The following SHISA9 variants were observed in gnomAD, a reference collection of about 807,000 sequenced individuals.
SHISA9 encodes the protein protein shisa-9.
A neutral mutation model predicts 38.0 loss-of-function variants in SHISA9; 13 were observed. That is an observed-to-expected ratio of 0.34 (90% confidence interval 0.22 to 0.54). The LOEUF (loss-of-function observed/expected upper bound fraction) is 0.54, where lower values mean the gene tolerates loss of function less well. SHISA9 is among the 20% of genes least tolerant of loss of function. SHISA9 has a pLI of 0.91. For synonymous variants in SHISA9, 275 were observed against 242.0 expected, an observed-to-expected ratio of 1.14 and a Z score of -1.27; for missense variants, 538 against 575.8, an observed-to-expected ratio of 0.93 and a Z score of 0.67.
intron 2 of SHISA9, among the ~76,000 whole-genome samples, chr16:13,150,306 G>A (rs554668924): frequency 6.6e-6 from 1 of 152,150 alleles, no homozygotes; most frequent in East Asian, 1.9e-4. Flanking sequence ...CCTTTCAAGA[G>A]GAAGCTCAAA....
the SHISA9 span, among the ~76,000 whole-genome samples, chr16:13,536,843 A>C: frequency 6.6e-6 from 1 of 152,198 alleles, no homozygotes; most frequent in Non-Finnish European, 1.5e-5. Context: ...GGGGTCGTTG[A>C]GAAGTTATTA....
the SHISA9 span, among the ~76,000 whole-genome samples, chr16:13,433,322 T>A: frequency 2.6e-5 from 4 of 152,178 alleles, no homozygotes. Flanking sequence ...CAGTTGCTCG[T>A]CTGTAAATCT....
the SHISA9 span, among the ~76,000 whole-genome samples, chr16:13,409,961 T>G: frequency 6.6e-6 from 1 of 152,230 alleles, no homozygotes; most frequent in Non-Finnish European, 1.5e-5. Context: ...GATGAATACA[T>G]AATGTAAGTA....
Position 13,212,197 on chromosome 16 carries a change from C to G in SHISA9, c.848-1056C>G, listed in dbSNP as rs1596736598. Among the ~76,000 whole-genome samples, 3 of 152,220 alleles carry G rather than the reference C, an allele frequency of 2.0e-5. No individual in the cohort carries two copies. The East Asian group carries it at 5.8e-4, about 29-fold the overall frequency. On this transcript the variant is annotated intron_variant, in intron 3 of 4. Coordinates refer to ENST00000558583, the MANE Select transcript of SHISA9 (RefSeq NM_001145204.3). Reference sequence around the variant, plus strand: ...GCCTGATATATCTCTGGAAATAGTGCCAAACTGTTGAGGACTTGGTCTTTC... The same window carrying G: ...GCCTGATATATCTCTGGAAATAGTGGCAAACTGTTGAGGACTTGGTCTTTC...
the SHISA9 span, among the ~76,000 whole-genome samples, chr16:13,549,396 C>A: frequency 6.6e-6 from 1 of 152,028 alleles, no homozygotes. Context: ...ACAATGAATA[C>A]GGGTATTGAA....
At chr16:13,154,621 G>A (rs1006372860) in intron 2 of SHISA9, among the ~76,000 whole-genome samples, 1 of 152,216 alleles carries the variant, frequency 6.6e-6, no homozygotes, top group African/African-American at 2.4e-5. Flanking sequence ...TTAAGCTACT[G>A]AGATTTTGAG....
chr16:13,529,754 C>T, the SHISA9 span, among the ~76,000 whole-genome samples: 2 of 152,184 alleles, frequency 1.3e-5, no homozygotes, highest in Non-Finnish European at 1.5e-5. Flanking sequence ...GTTTGCCCAC[C>T]CATATCCACT....
At chr16:13,072,211 C>T (rs527685307) in intron 2 of SHISA9, among the ~76,000 whole-genome samples, 148 of 152,336 alleles carry the variant, frequency 9.7e-4, no homozygotes, top group Middle Eastern at 6.8e-3. Context: ...GGTTGAGAAG[C>T]GGTGGCTGGA....
chr16:13,496,905 A>G, the SHISA9 span, among the ~76,000 whole-genome samples: 1 of 152,306 alleles, frequency 6.6e-6, no homozygotes, highest in East Asian at 1.9e-4. Context: ...ATTTTCCTAA[A>G]TAGGAAAATT....
At chr16:13,164,536 G>C (rs949455496) in intron 2 of SHISA9, among the ~76,000 whole-genome samples, 1 of 151,902 alleles carries the variant, frequency 6.6e-6, no homozygotes, top group South Asian at 2.1e-4. Context: ...TTTTGGAAAA[G>C]GTTTTGTAAA....
At chr16:13,179,281 C>A (rs550240510) in intron 2 of SHISA9, among the ~76,000 whole-genome samples, 6 of 152,168 alleles carry the variant, frequency 3.9e-5, no homozygotes, top group Non-Finnish European at 8.8e-5. Flanking sequence ...CACTGCACCC[C>A]AGCCCAGGTG....
chr16:13,498,996 C>T, the SHISA9 span, among the ~76,000 whole-genome samples: 1 of 152,114 alleles, frequency 6.6e-6, no homozygotes, highest in African/African-American at 2.4e-5. Flanking sequence ...GTCTGTTCTC[C>T]AGACATAAGG....
intron 2 of SHISA9, among the ~76,000 whole-genome samples, chr16:13,051,365 T>G (rs1253725575): frequency 1.3e-5 from 2 of 152,206 alleles, no homozygotes; most frequent in Non-Finnish European, 2.9e-5. Flanking sequence ...ACCCCGATGA[T>G]GCAATTGTCT....
At chr16:13,019,755 TTTTC>T (rs1268466993) in intron 2 of SHISA9, among the ~76,000 whole-genome samples, 1 of 149,442 alleles carries the variant, frequency 6.7e-6, no homozygotes, top group Non-Finnish European at 1.5e-5. Flanking sequence ...CCTTCTTTTC[TTTTC>T]TTTCTTTTCT....
At chr16:13,365,379 G>A in the SHISA9 span, among the ~76,000 whole-genome samples, 3 of 151,698 alleles carry the variant, frequency 2.0e-5, no homozygotes, top group African/African-American at 7.3e-5. Context: ...TATTGGACAT[G>A]TGATGTGTGC....
At position 12,916,626 on chromosome 16, in the gene SHISA9, C is replaced by T. The variant is rs9934013; in HGVS notation, c.564-62C>T. ...ATTTGTTCGCGACTGCAGTACTCGGCGCATAGCAGCTGCCAGTCATTGTGT... is the reference window on the plus strand; with the variant it reads ...ATTTGTTCGCGACTGCAGTACTCGGTGCATAGCAGCTGCCAGTCATTGTGT... On this transcript the variant is annotated intron_variant, in intron 1 of 4. Coordinates refer to ENST00000558583, the MANE Select transcript of SHISA9 (RefSeq NM_001145204.3). The T allele has an allele frequency of 1.9e-3, 2,952 of 1,522,426 alleles. 50 individuals carry two copies. In the African/African-American group the frequency reaches 0.035, roughly 18 times the overall value. The allele number at this position is 1,522,426 out of a possible 1,614,324, so 94.3% of individuals were successfully genotyped here.
intron 2 of SHISA9, among the ~76,000 whole-genome samples, chr16:12,984,574 T>A (rs2072282585): frequency 3.3e-5 from 5 of 152,284 alleles, no homozygotes; most frequent in Admixed American, 2.6e-4. Flanking sequence ...CTTGAGGTGA[T>A]CTTCAGAATA....
chr16:12,990,272 G>A (rs2072367775), intron 2 of SHISA9, among the ~76,000 whole-genome samples: 1 of 152,162 alleles, frequency 6.6e-6, no homozygotes, highest in South Asian at 2.1e-4. Flanking sequence ...ATAATCAAAT[G>A]ACTTATATTC....
chr16:13,426,456 C>A, the SHISA9 span, among the ~76,000 whole-genome samples: 2 of 152,042 alleles, frequency 1.3e-5, no homozygotes, highest in African/African-American at 4.8e-5. Flanking sequence ...GAGATAGAGC[C>A]CCCACTGGGA....
Sources: allele counts gnomAD v4.1 joint callset (sites outside exome capture counted in the v4.1 genomes callset), GRCh38; gene constraint gnomAD v4.1.1; transcripts MANE v1.5; gene names NCBI Gene and HGNC (gene_info 2026-07-23, HGNC 2026-07-21).